NEK11: variants seen among roughly 807,000 people sequenced by gnomAD.
NEK11 encodes serine/threonine-protein kinase Nek11.
In NEK11, 72 loss-of-function variants were observed where a neutral mutation model predicts 80.7. The observed-to-expected ratio is 0.89, with a 90% CI of 0.74 to 1.08. The LOEUF is 1.08. Ranked by LOEUF, NEK11 falls within the 50% of genes least tolerant of loss-of-function variation. The pLI, the probability that NEK11 is intolerant of heterozygous loss-of-function variation, is 0.00. For missense variants in NEK11, 764 were observed against 763.6 expected, an observed-to-expected ratio of 1.00 and a Z score of -0.01; for synonymous variants, 251 against 260.7, an observed-to-expected ratio of 0.96 and a Z score of 0.36.
intron 5 of NEK11, among the ~76,000 whole-genome samples, chr3:131,120,347 C>T (rs1250769054): frequency 5.3e-5 from 8 of 152,140 alleles, no homozygotes; most frequent in South Asian, 2.1e-4. Context: ...CTGAGAGATC[C>T]GCTGTTAGTC....
chr3:131,316,552 T>G (rs1230948002), intron 17 of NEK11, among the ~76,000 whole-genome samples: 1 of 152,266 alleles, frequency 6.6e-6, no homozygotes, highest in African/African-American at 2.4e-5. Context: ...TGAGAATATA[T>G]GCATTAACTA....
intron 17 of NEK11, chr3:131,330,582 G>A (rs2097059812): frequency 6.6e-6 from 1 of 152,124 alleles, no homozygotes; most frequent in Admixed American, 6.6e-5. Flanking sequence ...TAAGTTTCTT[G>A]GAGTCTTCTT....
intron 14 of NEK11, among the ~76,000 whole-genome samples, chr3:131,174,414 AT>A (rs1214483206): frequency 6.6e-6 from 1 of 152,236 alleles, no homozygotes; most frequent in Non-Finnish European, 1.5e-5. Flanking sequence ...TTTGGCATGT[AT>A]ATGTAAAATA....
chr3:131,134,086 TA>T, intron 7 of NEK11, 130 bp downstream of exon 7: 1 of 755,294 alleles, frequency 1.3e-6, no homozygotes, highest in Non-Finnish European at 2.0e-6. Context: ...GTGACCAGAG[TA>T]AAAGAAGGTC....
intron 11 of NEK11, 41 bp from the exon 12 acceptor site, chr3:131,165,385 C>G (rs373646103): frequency 1.6e-6 from 2 of 1,221,166 alleles, no homozygotes. Context: ...ATGGTTTTAG[C>G]AATTCGCAGT....
At chr3:131,033,742 A>G (rs2065222068) in intron 3 of NEK11, among the ~76,000 whole-genome samples, 1 of 152,198 alleles carries the variant, frequency 6.6e-6, no homozygotes, top group Admixed American at 6.5e-5. Flanking sequence ...ATTCCTTTAC[A>G]TTTTTATTCA....
intron 5 of NEK11, among the ~76,000 whole-genome samples, chr3:131,124,376 A>G (rs2082923814): frequency 6.6e-6 from 1 of 152,126 alleles, no homozygotes; most frequent in African/African-American, 2.4e-5. Flanking sequence ...TCCAGCAGAG[A>G]TGCAAATAAT....
chr3:131,132,597 T>C, intron 5 of NEK11, 148 bp from the exon 6 acceptor site: 1 of 512,082 alleles, frequency 2.0e-6, no homozygotes, highest in Non-Finnish European at 3.5e-6. Flanking sequence ...GAAAGTATTG[T>C]GGCTTTGTAG....
intron 14 of NEK11, among the ~76,000 whole-genome samples, chr3:131,188,536 TC>T (rs2093678442): frequency 6.6e-6 from 1 of 152,180 alleles, no homozygotes; most frequent in South Asian, 2.1e-4. Flanking sequence ...TGGAGTCCCT[TC>T]TTTTAGGAAT....
intron 16 of NEK11, among the ~76,000 whole-genome samples, chr3:131,255,929 T>A (rs1007437614): frequency 6.6e-6 from 1 of 152,192 alleles, no homozygotes; most frequent in African/African-American, 2.4e-5. Flanking sequence ...TTCCATTTTC[T>A]ATCGATAAAT....
intron 17 of NEK11, among the ~76,000 whole-genome samples, chr3:131,311,187 T>C (rs922461121): frequency 2.6e-5 from 4 of 152,218 alleles, no homozygotes; most frequent in African/African-American, 9.6e-5. Flanking sequence ...GTTACCTGCA[T>C]TGAGTGTGTA....
intron 16 of NEK11, among the ~76,000 whole-genome samples, chr3:131,244,994 T>C (rs987020934): frequency 6.6e-6 from 1 of 152,124 alleles, no homozygotes; most frequent in Non-Finnish European, 1.5e-5. Context: ...CACAGATATA[T>C]TGCACAGTGG....
At position 131,100,437 on chromosome 3, in the gene NEK11, T is replaced by C. The variant is rs2078195221; in HGVS notation, c.337-9366T>C. 2.0e-5 allele frequency among the ~76,000 whole-genome samples: 3 copies of C among 151,992 alleles called. 1 individual carries two copies. The highest frequency in any genetic ancestry group is 2.0e-4 in the Admixed American group (3 of 15,268). On this transcript the variant is annotated intron_variant, in intron 4 of 17. Transcript: ENST00000383366. ...GGTGAAATCCCGTCTCTACTAAAAA[T>C]ATAAAAAATTAGCTGGTGGCTACTC...
chr3:131,110,433 A>G (rs2079919373), intron 5 of NEK11, among the ~76,000 whole-genome samples: 1 of 152,116 alleles, frequency 6.6e-6, no homozygotes, highest in Admixed American at 6.6e-5. Flanking sequence ...GTCAGTTTTG[A>G]TATGAAGTAT....
Position 131,029,821 on chromosome 3 carries a change from G to T in NEK11, c.113G>T (p.Gly38Val), listed in dbSNP as rs1374040768. ...GTGCTTCAACAAAAACTTGGCAGTGGAAGTTTTGGAACTGTCTATCTGGTT... is the reference window on the plus strand; with the variant it reads ...GTGCTTCAACAAAAACTTGGCAGTGTAAGTTTTGGAACTGTCTATCTGGTT... ...RYVLQQKLGSGSFGTVYLVSD... is the reference protein window; with the variant it reads ...RYVLQQKLGSVSFGTVYLVSD... Residue 38 changes from glycine to valine, a missense_variant, in exon 3 of 18, where the codon GGA becomes GTA. Transcript: ENST00000383366. 1 of 1,614,238 alleles carries T rather than the reference G, an allele frequency of 6.2e-7. No individual in the cohort carries two copies. The highest frequency in any genetic ancestry group is 2.2e-5 in the East Asian group (1 of 44,888).
intron 15 of NEK11, among the ~76,000 whole-genome samples, chr3:131,236,577 G>A (rs565256079): frequency 6.6e-6 from 1 of 152,302 alleles, no homozygotes; most frequent in African/African-American, 2.4e-5. Flanking sequence ...GCAGTGAAAT[G>A]TGGACACGTT....
intron 14 of NEK11, among the ~76,000 whole-genome samples, chr3:131,215,278 C>CGGGGGGG (rs1430694857): frequency 1.2e-5 from 1 of 81,452 alleles, no homozygotes; most frequent in African/African-American, 4.2e-5. Flanking sequence ...TGTTGTGGGG[C>CGGGGGGG]GGGGGGAGGG....
chr3:131,030,028 C>T (rs542212015), intron 3 of NEK11, 150 bp downstream of exon 3: 5 of 681,970 alleles, frequency 7.3e-6, no homozygotes, highest in South Asian at 5.5e-5. Flanking sequence ...TCACTTGAGG[C>T]GAGGAGTTCA....
At chr3:131,121,940 A>G (rs2082455369) in intron 5 of NEK11, among the ~76,000 whole-genome samples, 1 of 152,204 alleles carries the variant, frequency 6.6e-6, no homozygotes, top group South Asian at 2.1e-4. Flanking sequence ...TTCCCAGGTG[A>G]GGTGATGCCC....
Sources: gnomAD v4.1 joint callset for allele counts (sites outside exome capture counted in the v4.1 genomes callset) on GRCh38, gnomAD v4.1.1 for gene constraint, MANE v1.5 for transcripts, NCBI Gene and HGNC (gene_info 2026-07-23, HGNC 2026-07-21) for gene names.